Variants in KCNJ6 observed in about 807,000 individuals in gnomAD.
KCNJ6 encodes the protein potassium inwardly rectifying channel subfamily J member 6, also known as G protein-activated inward rectifier potassium channel 2.
A neutral mutation model predicts 34.2 loss-of-function variants in KCNJ6; 9 were observed. That is an observed-to-expected ratio of 0.26 (90% confidence interval 0.16 to 0.46). KCNJ6 has a LOEUF of 0.46. KCNJ6 is among the 20% of genes least tolerant of loss of function. The pLI is 1.00. For missense variants in KCNJ6, 236 were observed against 531.3 expected, an observed-to-expected ratio of 0.44 and a Z score of 5.46; for synonymous variants, 196 against 207.1, an observed-to-expected ratio of 0.95 and a Z score of 0.46.
chr21:37,716,348 T>C (rs1274582176), intron 2 of KCNJ6, among the ~76,000 whole-genome samples: 1 of 151,800 alleles, frequency 6.6e-6, no homozygotes, highest in African/African-American at 2.4e-5. Context: ...TTTTAGCTTG[T>C]GGTTATTTTT....
chr21:37,681,253 T>A (rs970427131), intron 3 of KCNJ6, among the ~76,000 whole-genome samples: 1 of 152,300 alleles, frequency 6.6e-6, no homozygotes, highest in Admixed American at 6.5e-5. Context: ...CTGAGAATTC[T>A]TGTGTGTTGC....
chr21:37,811,870 G>A (rs939521932), intron 2 of KCNJ6, among the ~76,000 whole-genome samples: 3 of 152,144 alleles, frequency 2.0e-5, no homozygotes, highest in Non-Finnish European at 2.9e-5. Flanking sequence ...AGGTGGTTAT[G>A]CAATGAAAGG....
chr21:37,614,512 G>GTC lies in KCNJ6; in HGVS notation c.*10646_*10647insGA, dbSNP rs2054255961. The GTC allele has an allele frequency of 1.7e-5, 2 of 119,054 alleles. No homozygotes were observed. The highest frequency in any genetic ancestry group is 8.1e-5 in the Admixed American group (1 of 12,394). The allele number at this position is 119,054 out of a possible 1,614,324, so 7.4% of individuals were successfully genotyped here. ...TGTGTGCGTGTATGCATGTGTCTCTGTATGCATGTGTGTATGCATGTCTCT... is the reference window on the plus strand; with the variant it reads ...TGTGTGCGTGTATGCATGTGTCTCTGTCTATGCATGTGTGTATGCATGTCTCT... On this transcript the variant is annotated 3_prime_UTR_variant, in exon 4 of 4. Coordinates refer to ENST00000609713, the MANE Select transcript of KCNJ6 (RefSeq NM_002240.5).
At chr21:37,864,415 A>G (rs1389418737) in intron 1 of KCNJ6, among the ~76,000 whole-genome samples, 1 of 152,188 alleles carries the variant, frequency 6.6e-6, no homozygotes, top group African/African-American at 2.4e-5. Context: ...CCGGCCAGGA[A>G]TATCCAGTTC....
At chr21:37,782,233 C>T (rs911650378) in intron 2 of KCNJ6, among the ~76,000 whole-genome samples, 2 of 152,166 alleles carry the variant, frequency 1.3e-5, no homozygotes, top group Non-Finnish European at 2.9e-5. Flanking sequence ...GGAAAGGGTC[C>T]TCCCTGAGAA....
At chr21:37,795,528 T>G (rs2055237027) in intron 2 of KCNJ6, among the ~76,000 whole-genome samples, 1 of 152,112 alleles carries the variant, frequency 6.6e-6, no homozygotes, top group Admixed American at 6.6e-5. Flanking sequence ...GTGGATCACC[T>G]GAGGTCAGGA....
At chr21:37,645,907 CT>C (rs10715631) in intron 3 of KCNJ6, among the ~76,000 whole-genome samples, 152,285 of 152,290 alleles carry the variant, frequency 1, 76,140 homozygotes, top group Non-Finnish European at 1. Context: ...CTTCTTCGGA[CT>C]TAACAGTGAA....
chr21:37,840,390 A>G (rs551377460), intron 2 of KCNJ6, among the ~76,000 whole-genome samples: 2 of 152,328 alleles, frequency 1.3e-5, no homozygotes, highest in Admixed American at 6.5e-5. Context: ...CCAATCCCCA[A>G]TGCAGTGTTA....
chr21:37,845,382 G>C (rs1200426756), intron 1 of KCNJ6, among the ~76,000 whole-genome samples: 2 of 152,206 alleles, frequency 1.3e-5, no homozygotes, highest in African/African-American at 4.8e-5. Flanking sequence ...GATGTTCGTA[G>C]AGAGAGTGGC....
intron 1 of KCNJ6, among the ~76,000 whole-genome samples, chr21:37,861,243 T>C (rs2123602417): frequency 6.6e-6 from 1 of 152,340 alleles, no homozygotes; most frequent in African/African-American, 2.4e-5. Flanking sequence ...AGGCATTTAT[T>C]TTCTCAAAGT....
chr21:37,721,739 C>T (rs2835912), intron 2 of KCNJ6, among the ~76,000 whole-genome samples: 8,246 of 152,156 alleles, frequency 0.054, 297 homozygotes, highest in African/African-American at 0.1. Context: ...AGATTTCCGC[C>T]GGTTGGAAGT....
chr21:37,661,448 CT>C (rs1249753389), intron 3 of KCNJ6, among the ~76,000 whole-genome samples: 2 of 152,048 alleles, frequency 1.3e-5, no homozygotes, highest in Non-Finnish European at 2.9e-5. Context: ...CATTTCTTCC[CT>C]TTTCTGTAAT....
intron 2 of KCNJ6, among the ~76,000 whole-genome samples, chr21:37,796,911 A>G (rs563500963): frequency 0.017 from 2,439 of 145,932 alleles, 62 homozygotes; most frequent in African/African-American, 0.056. Context: ...CTCCTGCCTC[A>G]GCCTCCCGAG....
chr21:37,750,785 G>A (rs2054991561), intron 2 of KCNJ6, among the ~76,000 whole-genome samples: 1 of 152,114 alleles, frequency 6.6e-6, no homozygotes, highest in South Asian at 2.1e-4. Context: ...TGTAGATGAC[G>A]GGTTGATGGG....
intron 3 of KCNJ6, among the ~76,000 whole-genome samples, chr21:37,670,109 G>A (rs2054534909): frequency 6.6e-6 from 1 of 152,140 alleles, no homozygotes; most frequent in Non-Finnish European, 1.5e-5. Flanking sequence ...AGCACCATTT[G>A]TTGAAAAGAG....
At chr21:37,712,041 G>A (rs2054755719) in intron 3 of KCNJ6, among the ~76,000 whole-genome samples, 2 of 152,074 alleles carry the variant, frequency 1.3e-5, no homozygotes, top group African/African-American at 4.8e-5. Context: ...AGAAAGCCAG[G>A]GCCTGCCCCA....
rs1412669080 is a variant in KCNJ6, at chr21:37,623,558, C to CTTATTTT, written c.*1594_*1600dup. 2.6e-5 allele frequency: 4 copies of CTTATTTT among 152,150 alleles called. No individual in the cohort carries two copies. The highest frequency in any genetic ancestry group is 3.2e-3 in the Middle Eastern group (1 of 316). 9.4% of individuals were successfully genotyped at this position (152,150 alleles called of 1,614,324 possible). ...GGAGGTTTGATCTAAGATTTGTTTC[C>CTTATTTT]TTATTTTTTTCATTTTAAAATTCAG... On this transcript the variant is annotated 3_prime_UTR_variant, in exon 4 of 4. Transcript: ENST00000609713.
chr21:37,793,781 C>T (rs2055228523), intron 2 of KCNJ6, among the ~76,000 whole-genome samples: 1 of 152,168 alleles, frequency 6.6e-6, no homozygotes, highest in Admixed American at 6.5e-5. Flanking sequence ...GATTTCAGAG[C>T]TTCAGATCTT....
chr21:37,762,076 T>C (rs1355406967), intron 2 of KCNJ6, among the ~76,000 whole-genome samples: 1 of 152,190 alleles, frequency 6.6e-6, no homozygotes, highest in Non-Finnish European at 1.5e-5. Flanking sequence ...TTGCTGCTCA[T>C]AAATTCCCCA....
Sources: gnomAD v4.1 joint callset for allele counts (sites outside exome capture counted in the v4.1 genomes callset) on GRCh38, gnomAD v4.1.1 for gene constraint, MANE v1.5 for transcripts, NCBI Gene and HGNC (gene_info 2026-07-23, HGNC 2026-07-21) for gene names.